The following KIF13B variants were observed in gnomAD, a reference collection of about 807,000 sequenced individuals.
KIF13B encodes kinesin-like protein KIF13B.
A neutral mutation model predicts 222.0 loss-of-function variants in KIF13B; 127 were observed. The ratio of observed to expected loss-of-function variants is 0.57; its 90% CI spans 0.50 to 0.66. The LOEUF is 0.66. Ranked by LOEUF, KIF13B falls within the 30% of genes least tolerant of loss-of-function variation. KIF13B has a pLI of 0.00. For synonymous variants in KIF13B, 976 were observed against 919.0 expected, an observed-to-expected ratio of 1.06 and a Z score of -1.12; for missense variants, 2,173 against 2,379.0, an observed-to-expected ratio of 0.91 and a Z score of 1.80.
At chr8:29,232,287 A>G (rs1167779279) in intron 2 of KIF13B, among the ~76,000 whole-genome samples, 1 of 151,360 alleles carries the variant, frequency 6.6e-6, no homozygotes, top group African/African-American at 2.4e-5. Context: ...AATTAAAAAT[A>G]AATAAAAATT....
At chr8:29,194,815 T>A (rs756493751) in intron 3 of KIF13B, among the ~76,000 whole-genome samples, 37 of 152,202 alleles carry the variant, frequency 2.4e-4, no homozygotes, top group Non-Finnish European at 4.9e-4. Flanking sequence ...CTGAGGTGTT[T>A]AACCTCCCAT....
chr8:29,148,043 C>G (rs995316809), intron 16 of KIF13B, among the ~76,000 whole-genome samples: 61 of 152,284 alleles, frequency 4.0e-4, no homozygotes, highest in African/African-American at 1.4e-3. Context: ...ATTGAAAATA[C>G]AAAAGTGAGC....
chr8:29,086,468 C>T (rs747979910), intron 37 of KIF13B, among the ~76,000 whole-genome samples: 1 of 152,104 alleles, frequency 6.6e-6, no homozygotes, highest in Non-Finnish European at 1.5e-5. Context: ...CGGCAGTAAG[C>T]GATCATTGCA....
chr8:29,087,558 T>C (rs181886320), intron 37 of KIF13B, among the ~76,000 whole-genome samples: 1 of 152,328 alleles, frequency 6.6e-6, no homozygotes, highest in Admixed American at 6.5e-5. Flanking sequence ...ACAAAAAACC[T>C]GGTGATGTTA....
chr8:29,083,909 G>A (rs1807922862), intron 37 of KIF13B, among the ~76,000 whole-genome samples: 1 of 152,042 alleles, frequency 6.6e-6, no homozygotes, highest in Non-Finnish European at 1.5e-5. Flanking sequence ...AGGCCTAGAT[G>A]TGTTTTTTGT....
chr8:29,219,086 CTCCG>C (rs983494051), intron 2 of KIF13B: 4 of 152,232 alleles, frequency 2.6e-5, no homozygotes, highest in African/African-American at 9.6e-5. Context: ...AAATGACAAG[CTCCG>C]TCCCTACTAC....
chr8:29,196,120 T>C (rs1813406554), intron 3 of KIF13B, 67 bp downstream of exon 3: 3 of 1,300,686 alleles, frequency 2.3e-6, no homozygotes, highest in Non-Finnish European at 3.2e-6. Context: ...AGAAGAAAAC[T>C]TCTAAGAGTT....
chr8:29,086,502 T>A (rs1269072072), intron 37 of KIF13B, among the ~76,000 whole-genome samples: 1 of 152,160 alleles, frequency 6.6e-6, no homozygotes, highest in Non-Finnish European at 1.5e-5. Context: ...GCCTGAGTGA[T>A]AAGCAAGACC....
Position 29,136,216 on chromosome 8 carries a change from A to G in KIF13B, c.2614-2006T>C, listed in dbSNP as rs77915790. 5.5e-4 allele frequency among the ~76,000 whole-genome samples: 84 copies of G among 152,328 alleles called. 2 individuals are homozygous for G. The East Asian group carries it at 0.013, about 24-fold the overall frequency. On this transcript the variant is annotated intron_variant, in intron 21 of 39. Transcript: ENST00000524189. ...TCATTAAGTGTTTTTAAATATTTAT[A>G]TTATTTAAGGCACGGCAATATGGCA...
At chr8:29,148,853 C>T in intron 15 of KIF13B, 86 bp from the exon 16 acceptor site, 3 of 1,033,916 alleles carry the variant, frequency 2.9e-6, no homozygotes, top group Non-Finnish European at 4.2e-6. Context: ...CTGTTAGAAG[C>T]CAAGTGGATA....
chr8:29,071,882 C>T lies in KIF13B; in HGVS notation c.4956G>A (p.Arg1652=). ...PGSPFRVRRV[R]ASELRSFSRM... is the part of the protein sequence containing the mutation. ...GCGAGAAGGAGCGCAACTCCGAGGC[C>T]CGCACCCTCCGGACGCGGAACGGGG... is the stretch of plus-strand genomic sequence containing the variant. The change falls in exon 39 of 40, where the codon CGG becomes CGA. Residue 1652 remains arginine (R), a synonymous_variant. Coordinates refer to ENST00000524189, the MANE Select transcript of KIF13B (RefSeq NM_015254.4). This position sits in a 1 kb window ranked among gnomAD's most constrained non-coding sequence, Gnocchi z 4.9. The T allele has an allele frequency of 6.6e-7, 1 of 1,523,066 alleles. No homozygotes were observed. Among genetic ancestry groups the T allele is most frequent in the Admixed American group, 2.1e-5 (1 of 47,550 alleles). The allele number at this position is 1,523,066 out of a possible 1,614,324, so 94.3% of individuals were successfully genotyped here. A position where few individuals can be genotyped will look rare whatever the true frequency, so the allele number is the denominator to read the frequency against.
At chr8:29,183,327 T>A (rs1812796919) in intron 6 of KIF13B, among the ~76,000 whole-genome samples, 1 of 152,132 alleles carries the variant, frequency 6.6e-6, no homozygotes, top group African/African-American at 2.4e-5. Context: ...CATTTTTGTA[T>A]TTTTAGTAGA....
In KIF13B at chr8:29,167,381, T is replaced by G. The variant is rs778791498; in HGVS notation, c.1150A>C (p.Lys384Gln). The change falls in exon 11 of 40, where the codon AAA becomes CAA. Residue 384 changes from lysine (K) to glutamine (Q), a missense_variant. Coordinates refer to ENST00000524189, the MANE Select transcript of KIF13B (RefSeq NM_015254.4). ...EVEKLREQLT[K>Q]AEAMKSPELK... ...GCGGTGGTGCCTCCTACCTCTGCTT[T>G]GGTCAGCTGCTCCCGGAGTTTCTCA... The G allele has an allele frequency of 6.2e-7, 1 of 1,612,236 alleles. No homozygotes were observed. The highest frequency in any genetic ancestry group is 8.5e-7 in the Non-Finnish European group (1 of 1,179,618).
intron 2 of KIF13B, among the ~76,000 whole-genome samples, chr8:29,198,783 C>G (rs1813553524): frequency 6.6e-6 from 1 of 152,154 alleles, no homozygotes; most frequent in Non-Finnish European, 1.5e-5. Context: ...TTAGATGGAG[C>G]TGGAGGCCAC....
At chr8:29,120,068 C>T (rs959824871) in intron 29 of KIF13B, among the ~76,000 whole-genome samples, 24 of 152,066 alleles carry the variant, frequency 1.6e-4, no homozygotes, top group Non-Finnish European at 3.2e-4. Flanking sequence ...TTCTATTTTC[C>T]CTCCTACAGG....
At chr8:29,252,375 T>C (rs1816317508) in intron 1 of KIF13B, among the ~76,000 whole-genome samples, 2 of 152,228 alleles carry the variant, frequency 1.3e-5, no homozygotes, top group South Asian at 4.1e-4. Flanking sequence ...TCTGGGGAAA[T>C]GCATCATTCT....
intron 2 of KIF13B, among the ~76,000 whole-genome samples, chr8:29,224,009 T>TC (rs1194018573): frequency 1.4e-5 from 2 of 145,992 alleles, no homozygotes; most frequent in Non-Finnish European, 3.0e-5. Context: ...TTTTTTTTCT[T>TC]TTTTTTTGAG....
chr8:29,144,131 C>A (rs1009856585), intron 18 of KIF13B, among the ~76,000 whole-genome samples: 2 of 151,642 alleles, frequency 1.3e-5, no homozygotes, highest in African/African-American at 4.8e-5. Context: ...TTCAAATGTT[C>A]TACTTAAAAC....
At chr8:29,200,651 C>A (rs556246958) in intron 2 of KIF13B, among the ~76,000 whole-genome samples, 1 of 152,178 alleles carries the variant, frequency 6.6e-6, no homozygotes, top group African/African-American at 2.4e-5. Context: ...CTATAGACAA[C>A]CTCCTCCAAA....
Sources: gnomAD v4.1 joint callset for allele counts (sites outside exome capture counted in the v4.1 genomes callset) on GRCh38, gnomAD v4.1.1 for gene constraint, Gnocchi (gnomAD v3.1) non-coding constraint, MANE v1.5 for transcripts, NCBI Gene and HGNC (gene_info 2026-07-23, HGNC 2026-07-21) for gene names.